Variants in ITPRID1 observed in about 807,000 individuals in gnomAD.
ITPRID1 encodes ITPR interacting domain containing 1.
In ITPRID1, 96 loss-of-function variants were observed where a neutral mutation model predicts 95.4. That is an observed-to-expected ratio of 1.01 (90% CI 0.85 to 1.19). The LOEUF (loss-of-function observed/expected upper bound fraction) is 1.19. Ranked by LOEUF, ITPRID1 falls within the 50% of genes most tolerant of loss-of-function variation. The probability of loss-of-function intolerance (pLI) is 0.00; values close to 1 mark genes in which losing one functional copy is unlikely to be tolerated. For missense variants in ITPRID1, 1,339 were observed against 1,252.9 expected, an observed-to-expected ratio of 1.07 and a Z score of -1.04; for synonymous variants, 510 against 453.6, an observed-to-expected ratio of 1.12 and a Z score of -1.58.
rs1332451516 is a variant in ITPRID1, at chr7:31,519,645, T to TATATATATATAA, written c.-98+5526_-98+5527insTATATATATAAA. ...CTATATATATATATATATATATATATAAATCTTATGTTATCCTGCTGGTAT... is the reference window on the plus strand; with the variant it reads ...CTATATATATATATATATATATATATATATATATATAAAAATCTTATGTTATCCTGCTGGTAT... On this transcript the variant is annotated intron_variant, in intron 1 of 14. Transcript: ENST00000615280. Among the ~76,000 whole-genome samples, 370 of 114,902 alleles carry TATATATATATAA rather than the reference T, an allele frequency of 3.2e-3. 17 individuals carry two copies. Among genetic ancestry groups the TATATATATATAA allele is most frequent in the African/African-American group, 7.8e-3 (217 of 27,940 alleles). 75.4% of individuals were successfully genotyped at this position (114,902 alleles called of 152,430 possible).
chr7:31,574,797 T>C (rs1785122127), intron 8 of ITPRID1, 55 bp downstream of exon 8: 1 of 1,495,006 alleles, frequency 6.7e-7, no homozygotes. Flanking sequence ...AGTGGGCAGG[T>C]GGGCCACAGT....
intron 10 of ITPRID1, among the ~76,000 whole-genome samples, chr7:31,599,139 A>G (rs1356858777): frequency 6.6e-6 from 1 of 152,216 alleles, no homozygotes; most frequent in Non-Finnish European, 1.5e-5. Flanking sequence ...GAAATAGTGA[A>G]AAACTTTTGT....
intron 12 of ITPRID1, among the ~76,000 whole-genome samples, chr7:31,647,931 T>G (rs73686907): frequency 0.012 from 1,852 of 152,246 alleles, 45 homozygotes; most frequent in African/African-American, 0.042. Flanking sequence ...TAATTAAATT[T>G]TCACATATAA....
At chr7:31,573,632 G>A (rs939581433) in intron 7 of ITPRID1, among the ~76,000 whole-genome samples, 6 of 151,936 alleles carry the variant, frequency 3.9e-5, no homozygotes, top group African/African-American at 1.2e-4. Flanking sequence ...AAAGAGCTGA[G>A]CAAACCTGGT....
At chr7:31,621,982 C>A (rs1787952279) in intron 10 of ITPRID1, among the ~76,000 whole-genome samples, 1 of 144,650 alleles carries the variant, frequency 6.9e-6, no homozygotes, top group African/African-American at 2.6e-5. Context: ...AGACTTTAAA[C>A]CAACAAAGAT....
intron 9 of ITPRID1, among the ~76,000 whole-genome samples, chr7:31,578,789 TC>T (rs1562583905): frequency 6.6e-6 from 1 of 152,216 alleles, no homozygotes; most frequent in Non-Finnish European, 1.5e-5. Context: ...TTCAACTACT[TC>T]CCACTCAGTG....
intron 2 of ITPRID1, 107 bp from the exon 3 acceptor site, chr7:31,552,895 T>G (rs1784328906): frequency 1.8e-6 from 2 of 1,123,892 alleles, no homozygotes; most frequent in Non-Finnish European, 2.5e-6. Flanking sequence ...TGAAGCTGGA[T>G]CATTCATCTG....
intron 5 of ITPRID1, among the ~76,000 whole-genome samples, chr7:31,568,678 T>C (rs1042790391): frequency 6.6e-6 from 1 of 152,184 alleles, no homozygotes; most frequent in African/African-American, 2.4e-5. Context: ...TGATAACCAA[T>C]ATTTATTTCC....
At chr7:31,544,401 T>C (rs1273573922) in intron 1 of ITPRID1, among the ~76,000 whole-genome samples, 1 of 152,128 alleles carries the variant, frequency 6.6e-6, no homozygotes, top group African/African-American at 2.4e-5. Flanking sequence ...TACGTTTAAT[T>C]ATCACAAAGC....
chr7:31,623,536 C>T (rs1234125603), intron 10 of ITPRID1, among the ~76,000 whole-genome samples: 1 of 151,672 alleles, frequency 6.6e-6, no homozygotes, highest in Non-Finnish European at 1.5e-5. Flanking sequence ...CAGAAAAGGC[C>T]TTTGACAAAA....
chr7:31,584,999 G>A (rs77289845), intron 10 of ITPRID1, among the ~76,000 whole-genome samples: 136 of 152,292 alleles, frequency 8.9e-4, no homozygotes, highest in African/African-American at 3.1e-3. Flanking sequence ...CCTATGTTGT[G>A]CAAAGCCCAA....
At chr7:31,543,488 A>G (rs1039704850) in intron 1 of ITPRID1, among the ~76,000 whole-genome samples, 6 of 145,122 alleles carry the variant, frequency 4.1e-5, no homozygotes, top group Non-Finnish European at 9.3e-5. Flanking sequence ...ATAGGTGTTT[A>G]CTAGTGTCTC....
chr7:31,614,602 C>T (rs964489616), intron 10 of ITPRID1, among the ~76,000 whole-genome samples: 2 of 152,028 alleles, frequency 1.3e-5, no homozygotes, highest in African/African-American at 2.4e-5. Flanking sequence ...GTTCCTGGTA[C>T]GTATGGATGC....
chr7:31,601,913 T>C (rs1786409441), intron 10 of ITPRID1, among the ~76,000 whole-genome samples: 1 of 152,140 alleles, frequency 6.6e-6, no homozygotes, highest in African/African-American at 2.4e-5. Context: ...TGGCCTCAAT[T>C]TGAGTCCAAT....
At chr7:31,619,237 A>AATGGAAGGCATAATGACTAGATTTCT (rs1447073809) in intron 10 of ITPRID1, among the ~76,000 whole-genome samples, 1 of 152,166 alleles carries the variant, frequency 6.6e-6, no homozygotes, top group Non-Finnish European at 1.5e-5. Context: ...GTCATAGTAA[A>AATGGAAGGCATAATGACTAGATTTCT]ATGGAAGGCA....
At chr7:31,606,602 GAGAA>G (rs1786636484) in intron 10 of ITPRID1, among the ~76,000 whole-genome samples, 1 of 152,154 alleles carries the variant, frequency 6.6e-6, no homozygotes, top group South Asian at 2.1e-4. Context: ...ACTTGATATG[GAGAA>G]AGAATTTCGT....
chr7:31,625,569 C>G (rs1425169829), intron 10 of ITPRID1, among the ~76,000 whole-genome samples: 2 of 151,388 alleles, frequency 1.3e-5, no homozygotes, highest in African/African-American at 4.9e-5. Context: ...GGGAATTGAA[C>G]AATGGGAACA....
At chr7:31,630,020 A>C (rs1788847293) in intron 10 of ITPRID1, among the ~76,000 whole-genome samples, 1 of 152,150 alleles carries the variant, frequency 6.6e-6, no homozygotes, top group Non-Finnish European at 1.5e-5. Context: ...TAGATCTAAA[A>C]TCCTAGATTA....
chr7:31,632,000 C>T (rs1487308201), intron 10 of ITPRID1, among the ~76,000 whole-genome samples: 1 of 152,126 alleles, frequency 6.6e-6, no homozygotes, highest in Non-Finnish European at 1.5e-5. Context: ...CCAGTGACCA[C>T]CTGTTAGGAA....
Sources: gnomAD v4.1 joint callset for allele counts (sites outside exome capture counted in the v4.1 genomes callset) on GRCh38, gnomAD v4.1.1 for gene constraint, MANE v1.5 for transcripts, NCBI Gene and HGNC (gene_info 2026-07-23, HGNC 2026-07-21) for gene names.